The following LINGO2 variants were observed in gnomAD, a reference collection of about 807,000 sequenced individuals.
The protein encoded by LINGO2 is leucine-rich repeat and immunoglobulin-like domain-containing nogo receptor-interacting protein 2.
Under a neutral mutation model 30.6 loss-of-function variants are expected in LINGO2, and 14 were observed. The observed-to-expected ratio is 0.46, with a 90% CI of 0.30 to 0.72. LINGO2 has a LOEUF of 0.72. Ranked by LOEUF, LINGO2 falls within the 30% of genes least tolerant of loss-of-function variation. The pLI is 0.07. For synonymous variants in LINGO2, 317 were observed against 288.5 expected (o/e 1.10, Z -1.00); for missense variants, 729 against 751.7 (o/e 0.97, Z 0.35).
At position 28,600,326 on chromosome 9, in the gene LINGO2, TACA is replaced by T. The variant is rs367926457; in HGVS notation, c.-365+69871_-365+69873del. 1.5e-3 allele frequency among the ~76,000 whole-genome samples: 222 copies of T among 152,280 alleles called. 1 individual carries two copies. Among genetic ancestry groups the T allele is most frequent in the Middle Eastern group, 6.8e-3 (2 of 294 alleles). On this transcript the variant is annotated intron_variant, in intron 1 of 5. Transcript: ENST00000379992. Reference sequence around the variant, plus strand: ...ATGAGCTTATTTTTGACTCCACCATTACAACATGACAATATTGCATTCATGACA... The same window carrying T: ...ATGAGCTTATTTTTGACTCCACCATTACATGACAATATTGCATTCATGACA...
At chr9:28,854,012 C>T in the LINGO2 span, among the ~76,000 whole-genome samples, 2 of 151,918 alleles carry the variant, frequency 1.3e-5, no homozygotes, top group Non-Finnish European at 2.9e-5. Context: ...AAATTAATTG[C>T]TGTCAATTAA....
At chr9:28,634,746 G>A (rs922875429) in intron 1 of LINGO2, among the ~76,000 whole-genome samples, 8 of 151,824 alleles carry the variant, frequency 5.3e-5, no homozygotes, top group Non-Finnish European at 8.8e-5. Context: ...TTGGCCTCCC[G>A]AAGTGCTAGG....
chr9:28,482,413 A>G (rs1006968402), intron 1 of LINGO2, among the ~76,000 whole-genome samples: 2 of 152,088 alleles, frequency 1.3e-5, no homozygotes, highest in African/African-American at 4.8e-5. Flanking sequence ...CTGGCTGCAT[A>G]AATGTCTTCT....
chr9:28,366,279 A>G (rs1820672243), intron 3 of LINGO2, among the ~76,000 whole-genome samples: 1 of 152,172 alleles, frequency 6.6e-6, no homozygotes, highest in African/African-American at 2.4e-5. Flanking sequence ...CATCACTTGC[A>G]TTACCTCTAT....
the LINGO2 span, among the ~76,000 whole-genome samples, chr9:28,994,488 T>C: frequency 6.8e-6 from 1 of 147,276 alleles, no homozygotes; most frequent in South Asian, 2.2e-4. Context: ...AAGCTACCAA[T>C]GACTTTCTTC....
chr9:28,984,467 T>C, the LINGO2 span, among the ~76,000 whole-genome samples: 1 of 152,034 alleles, frequency 6.6e-6, no homozygotes, highest in African/African-American at 2.4e-5. Flanking sequence ...TGAAAACCTG[T>C]CAATCAAAAT....
At chr9:28,654,481 T>C (rs531047939) in intron 1 of LINGO2, among the ~76,000 whole-genome samples, 3 of 129,510 alleles carry the variant, frequency 2.3e-5, no homozygotes, top group African/African-American at 6.7e-5. Flanking sequence ...ATGAATTGGA[T>C]TGATTGAGTA....
chr9:28,696,018 C>T, the LINGO2 span, among the ~76,000 whole-genome samples: 4 of 151,642 alleles, frequency 2.6e-5, no homozygotes, highest in East Asian at 1.9e-4. Flanking sequence ...AGTGAGAAAC[C>T]GTTTCCTTAC....
At chr9:28,813,855 T>C in the LINGO2 span, among the ~76,000 whole-genome samples, 1 of 152,086 alleles carries the variant, frequency 6.6e-6, no homozygotes, top group Non-Finnish European at 1.5e-5. Flanking sequence ...TAGTTTCCTT[T>C]AAGGAGAACA....
At chr9:28,077,902 C>G (rs567380334) in intron 4 of LINGO2, among the ~76,000 whole-genome samples, 12 of 149,082 alleles carry the variant, frequency 8.0e-5, no homozygotes, top group Middle Eastern at 6.8e-3. Flanking sequence ...TGAACCTACT[C>G]TACTGCTTCT....
intron 4 of LINGO2, among the ~76,000 whole-genome samples, chr9:28,030,188 A>C (rs1823596426): frequency 1.3e-5 from 2 of 152,174 alleles, no homozygotes; most frequent in South Asian, 4.1e-4. Flanking sequence ...TTATTAATAG[A>C]ATGTGAGAAC....
chr9:28,892,729 T>C, the LINGO2 span, among the ~76,000 whole-genome samples: 1 of 152,126 alleles, frequency 6.6e-6, no homozygotes, highest in Admixed American at 6.6e-5. Flanking sequence ...GATACTCAAG[T>C]TTCTATTCTG....
chr9:29,160,426 A>T, the LINGO2 span, among the ~76,000 whole-genome samples: 1 of 152,210 alleles, frequency 6.6e-6, no homozygotes, highest in South Asian at 2.1e-4. Context: ...GGCAATAATA[A>T]CTATTTCAGA....
Position 28,543,422 on chromosome 9 carries a change from C to T in LINGO2, c.-364-67397G>A, listed in dbSNP as rs148583795. On this transcript the variant is annotated intron_variant, in intron 1 of 5. Transcript: ENST00000379992. ...AGAAAGACAGTTCTGGATTATCAAGCGCAAGATCTCTTCATTTACGCCTTG... is the reference window on the plus strand; with the variant it reads ...AGAAAGACAGTTCTGGATTATCAAGTGCAAGATCTCTTCATTTACGCCTTG... Among the ~76,000 whole-genome samples, 104 of 152,094 alleles carry T rather than the reference C, an allele frequency of 6.8e-4. 1 individual carries two copies. The highest frequency in any genetic ancestry group is 2.3e-3 in the African/African-American group (97 of 41,546).
At chr9:28,770,717 AAC>A in the LINGO2 span, among the ~76,000 whole-genome samples, 8 of 152,198 alleles carry the variant, frequency 5.3e-5, no homozygotes, top group Admixed American at 3.3e-4. Flanking sequence ...AACATGCAAA[AAC>A]ACACAGGTTA....
chr9:28,395,978 TA>T (rs1209701735), intron 2 of LINGO2, among the ~76,000 whole-genome samples: 1 of 152,108 alleles, frequency 6.6e-6, no homozygotes, highest in Non-Finnish European at 1.5e-5. Context: ...TTGTCTTGGT[TA>T]AAAAAATGTT....
At position 28,634,485 on chromosome 9, in the gene LINGO2, C is replaced by CTT. The variant is rs755583837; in HGVS notation, c.-365+35713_-365+35714dup. On this transcript the variant is annotated intron_variant, in intron 1 of 5. Coordinates refer to ENST00000379992, the Ensembl canonical transcript of LINGO2. ...CACACTTTCTTTCTTTTCTTTTTTT[C>CTT]TTTTTTTTTTTTTTTTTTGAAATGG... 4.7e-3 allele frequency among the ~76,000 whole-genome samples: 583 copies of CTT among 124,654 alleles called. 11 individuals are homozygous for CTT. The highest frequency in any genetic ancestry group is 0.016 in the African/African-American group (510 of 32,420). 81.8% of individuals were successfully genotyped at this position (124,654 alleles called of 152,430 possible).
the LINGO2 span, among the ~76,000 whole-genome samples, chr9:28,839,361 C>T: frequency 2.6e-5 from 4 of 152,038 alleles, no homozygotes; most frequent in Non-Finnish European, 4.4e-5. Context: ...ACAGGAGACC[C>T]GAAGTGGGAA....
intron 5 of LINGO2, among the ~76,000 whole-genome samples, chr9:27,985,606 CAAGATAAGG>C (rs763961988): frequency 0.062 from 9,381 of 151,608 alleles, 582 homozygotes; most frequent in African/African-American, 0.14. Flanking sequence ...AAGTGTAGTA[CAAGATAAGG>C]CATACAGTAG....
Sources: allele counts gnomAD v4.1 joint callset (sites outside exome capture counted in the v4.1 genomes callset), GRCh38; gene constraint gnomAD v4.1.1; transcripts MANE v1.5; gene names NCBI Gene and HGNC (gene_info 2026-07-23, HGNC 2026-07-21).